Variants in TMEM131 observed in about 807,000 individuals in gnomAD.
The protein encoded by TMEM131 is 2610524E03Rik.
A neutral mutation model predicts 211.6 loss-of-function variants in TMEM131; 66 were observed. That is an observed-to-expected ratio of 0.31 (90% CI 0.26 to 0.38). TMEM131 has a LOEUF of 0.38. Among genes scored for constraint, TMEM131 ranks in the 10% least tolerant of loss-of-function variants. TMEM131 has a pLI of 1.00. For missense variants in TMEM131, 2,036 were observed against 2,299.3 expected (o/e 0.89, Z 2.34); for synonymous variants, 844 against 841.3 (o/e 1.00, Z -0.06).
intron 1 of TMEM131, among the ~76,000 whole-genome samples, chr2:97,929,377 AC>A (rs1677124072): frequency 6.6e-6 from 1 of 151,758 alleles, no homozygotes. Flanking sequence ...AAAAGGGACA[AC>A]TTTCACATGC....
At chr2:97,898,903 T>C (rs1415530794) in intron 3 of TMEM131, among the ~76,000 whole-genome samples, 1 of 152,150 alleles carries the variant, frequency 6.6e-6, no homozygotes, top group Non-Finnish European at 1.5e-5. Context: ...GAGTATAATC[T>C]ATATAATCTG....
At chr2:97,827,437 G>A (rs1308908766) in intron 11 of TMEM131, 23 of 1,051,694 alleles carry the variant, frequency 2.2e-5, no homozygotes, top group Middle Eastern at 2.0e-4. Context: ...AAAACAGGCC[G>A]AAGTGGCTAA....
chr2:97,984,779 A>G (rs1679953972), intron 1 of TMEM131, among the ~76,000 whole-genome samples: 2 of 151,696 alleles, frequency 1.3e-5, no homozygotes, highest in South Asian at 4.1e-4. Context: ...TCATATCGAT[A>G]TAATAGCTTT....
chr2:97,856,545 A>G (rs150971396), intron 5 of TMEM131, among the ~76,000 whole-genome samples: 2 of 152,362 alleles, frequency 1.3e-5, no homozygotes, highest in African/African-American at 4.8e-5. Flanking sequence ...ATAACAGTTA[A>G]TAACTAAAAA....
chr2:97,986,473 A>C lies in TMEM131; in HGVS notation c.187+9003T>G, dbSNP rs115303613. On this transcript the variant is annotated intron_variant, in intron 1 of 40. Transcript: ENST00000186436. ...ATTTTATAATCTGTTTTATTCTTACAATCAATTTAAACAAGAATTTCTAGG... is the reference window on the plus strand; with the variant it reads ...ATTTTATAATCTGTTTTATTCTTACCATCAATTTAAACAAGAATTTCTAGG... 3.0e-3 allele frequency among the ~76,000 whole-genome samples: 463 copies of C among 152,270 alleles called. 3 individuals carry two copies. The highest frequency in any genetic ancestry group is 9.6e-3 in the African/African-American group (398 of 41,536).
intron 33 of TMEM131, 134 bp downstream of exon 33, chr2:97,772,163 C>T (rs769727455): frequency 1.7e-5 from 17 of 986,560 alleles, no homozygotes; most frequent in East Asian, 1.5e-4. Context: ...AGGAATGTGA[C>T]GTAGCACCTG....
intron 35 of TMEM131, 100 bp downstream of exon 35, chr2:97,766,014 T>C (rs1046889732): frequency 1.4e-6 from 2 of 1,454,096 alleles, no homozygotes; most frequent in Admixed American, 2.1e-5. Flanking sequence ...GCACTGTCAA[T>C]GGGTATTTTA....
At chr2:97,898,427 G>T (rs1021777263) in intron 3 of TMEM131, among the ~76,000 whole-genome samples, 13 of 152,098 alleles carry the variant, frequency 8.5e-5, no homozygotes, top group Admixed American at 6.6e-5. Context: ...TGGAGACAGG[G>T]TCTATAAGCA....
intron 31 of TMEM131, among the ~76,000 whole-genome samples, chr2:97,778,047 T>C (rs1156474811): frequency 6.6e-6 from 1 of 152,144 alleles, no homozygotes; most frequent in Non-Finnish European, 1.5e-5. Flanking sequence ...CCCCATATAA[T>C]AAACTTCTCA....
intron 22 of TMEM131, 105 bp downstream of exon 22, chr2:97,804,983 G>T: frequency 1.3e-6 from 1 of 793,564 alleles, no homozygotes; most frequent in Non-Finnish European, 1.9e-6. Context: ...TTCTTTCTTA[G>T]CTATAAAGCA....
chr2:97,972,102 G>A (rs986018042), intron 1 of TMEM131, among the ~76,000 whole-genome samples: 2 of 152,054 alleles, frequency 1.3e-5, no homozygotes, highest in African/African-American at 4.8e-5. Flanking sequence ...CAGCTACTCG[G>A]GAGGCTGAGG....
At chr2:97,775,683 G>A (rs547507385) in intron 32 of TMEM131, among the ~76,000 whole-genome samples, 160 bp downstream of exon 32, 2 of 152,136 alleles carry the variant, frequency 1.3e-5, no homozygotes, top group African/African-American at 4.8e-5. Flanking sequence ...AATGACTCTG[G>A]AGGCACGCCC....
At chr2:97,898,532 C>T (rs1324497384) in intron 3 of TMEM131, among the ~76,000 whole-genome samples, 1 of 152,134 alleles carries the variant, frequency 6.6e-6, no homozygotes, top group African/African-American at 2.4e-5. Context: ...CCCCCATGCA[C>T]ACATGTGCAC....
chr2:97,878,628 G>A (rs1203680508), intron 4 of TMEM131, among the ~76,000 whole-genome samples: 8 of 152,052 alleles, frequency 5.3e-5, no homozygotes, highest in East Asian at 3.9e-4. Flanking sequence ...GTTCTTACTC[G>A]TAAGTGGGAG....
rs551341573 is a variant in TMEM131 at position 97,811,308 on chromosome 2, T to C, written c.1864-76A>G. Reference sequence around the variant, plus strand: ...CCTATTAAAATGGACATGAAGGGTGTAGCGATAAAATGACTAACAAATCCT... The same window carrying C: ...CCTATTAAAATGGACATGAAGGGTGCAGCGATAAAATGACTAACAAATCCT... On this transcript the variant is annotated intron_variant, in intron 17 of 40. Transcript: ENST00000186436. 4.3e-5 allele frequency: 47 copies of C among 1,092,578 alleles called. No individual in the cohort carries two copies. The East Asian group carries it at 1.0e-3, about 24-fold the overall frequency. The allele number at this position is 1,092,578 out of a possible 1,614,324, so 67.7% of individuals were successfully genotyped here.
At chr2:97,853,531 G>A (rs528484395) in intron 5 of TMEM131, among the ~76,000 whole-genome samples, 1 of 151,706 alleles carries the variant, frequency 6.6e-6, no homozygotes, top group South Asian at 2.1e-4. Context: ...GCTTGAACCT[G>A]GGAGGCGGAG....
intron 39 of TMEM131, 50 bp downstream of exon 39, chr2:97,759,602 T>G (rs779669951): frequency 6.8e-7 from 1 of 1,469,500 alleles, no homozygotes; most frequent in Admixed American, 1.8e-5. Context: ...CTCCTCTCCC[T>G]TCCTCTGTCC....
At position 97,978,880 on chromosome 2, in the gene TMEM131, T is replaced by G. The variant is rs181650826; in HGVS notation, c.187+16596A>C. On this transcript the variant is annotated intron_variant, in intron 1 of 40. Transcript: ENST00000186436. Reference sequence around the variant, plus strand: ...TTTCCAGGAGGTTTTCAATGGACTTTGCCCAGATCCAACTGAGGACTCAGT... The same window carrying G: ...TTTCCAGGAGGTTTTCAATGGACTTGGCCCAGATCCAACTGAGGACTCAGT... Among the ~76,000 whole-genome samples, 540 of 152,322 alleles carry G rather than the reference T, an allele frequency of 3.5e-3. 3 individuals carry two copies. The highest frequency in any genetic ancestry group is 0.012 in the African/African-American group (517 of 41,566).
rs905852735 is a variant in TMEM131 at position 97,859,693 on chromosome 2, G to A, written c.360-266C>T. 1.2e-4 allele frequency among the ~76,000 whole-genome samples: 18 copies of A among 152,278 alleles called. No individual in the cohort carries two copies. In the East Asian group the frequency reaches 1.9e-3, roughly 16 times the overall value. Reference sequence around the variant, plus strand: ...CCTGAGGCTCAGAACCCAGTGAGGCGGCGGACGGGGCACAAAATGGTCAGT... The same window carrying A: ...CCTGAGGCTCAGAACCCAGTGAGGCAGCGGACGGGGCACAAAATGGTCAGT... On this transcript the variant is annotated intron_variant, in intron 4 of 40. Coordinates refer to ENST00000186436, the MANE Select transcript of TMEM131 (RefSeq NM_015348.2).
Sources: allele counts gnomAD v4.1 joint callset (sites outside exome capture counted in the v4.1 genomes callset), GRCh38; gene constraint gnomAD v4.1.1; transcripts MANE v1.5; gene names NCBI Gene and HGNC (gene_info 2026-07-23, HGNC 2026-07-21).